TLL1: variants seen among roughly 807,000 people sequenced by gnomAD.
The protein encoded by TLL1 is tolloid-like protein 1.
A neutral mutation model predicts 128.2 loss-of-function variants in TLL1; 49 were observed. The observed-to-expected ratio is 0.38, with a 90% CI of 0.30 to 0.48. The LOEUF (loss-of-function observed/expected upper bound fraction) is 0.48. TLL1 is among the 20% of genes least tolerant of loss of function. TLL1 has a pLI of 0.96. For synonymous variants in TLL1, 454 were observed against 418.8 expected (o/e 1.08, Z -1.03); for missense variants, 1,123 against 1,242.0 (o/e 0.90, Z 1.44).
Position 165,874,070 on chromosome 4 carries a change from G to A in TLL1, c.166G>A (p.Ala56Thr), listed in dbSNP as rs767687320. 19 of 1,613,988 alleles carry A rather than the reference G, an allele frequency of 1.2e-5. No individual in the cohort carries two copies. Among genetic ancestry groups the A allele is most frequent in the Non-Finnish European group, 1.6e-5 (19 of 1,179,998 alleles). The change falls in exon 1 of 21, where the codon GCC becomes ACC. Residue 56 changes from alanine (A) to threonine (T), a missense_variant. By Grantham distance (58) the Ala-to-Thr change is moderately conservative (BLOSUM62 0). Transcript: ENST00000061240. ...TATAGATTACAAGGACCCGTGTAAA[G>A]CCGGTAAGTGGCTCTCCAGGTTGGG... is the stretch of plus-strand genomic sequence containing the variant. ...ETIDYKDPCK[A>T]AVFWGDIALD...
chr4:165,950,897 T>A (rs1314447325), intron 1 of TLL1, among the ~76,000 whole-genome samples: 1 of 151,886 alleles, frequency 6.6e-6, no homozygotes, highest in African/African-American at 2.4e-5. Flanking sequence ...AAGGAAATCA[T>A]AAAGATCAAA....
intron 1 of TLL1, among the ~76,000 whole-genome samples, chr4:165,877,781 T>C (rs1170328372): frequency 2.6e-5 from 4 of 151,842 alleles, no homozygotes; most frequent in Admixed American, 2.0e-4. Context: ...TTCTTTCTTT[T>C]TTTTTTTTCT....
At chr4:165,982,893 A>G (rs1210388305) in intron 1 of TLL1, among the ~76,000 whole-genome samples, 20 of 151,842 alleles carry the variant, frequency 1.3e-4, no homozygotes, top group Non-Finnish European at 2.9e-5. Context: ...AACGTAAACA[A>G]TTACAGGCAT....
At chr4:165,882,230 G>A (rs1178869972) in intron 1 of TLL1, among the ~76,000 whole-genome samples, 1 of 152,074 alleles carries the variant, frequency 6.6e-6, no homozygotes, top group Non-Finnish European at 1.5e-5. Context: ...AGGAAGTCTG[G>A]CAAATTCAAA....
chr4:165,895,633 TAAAAAAAAA>T (rs57920393), intron 1 of TLL1, among the ~76,000 whole-genome samples: 198 of 68,444 alleles, frequency 2.9e-3, no homozygotes, highest in South Asian at 0.014. Context: ...AGACTTTTTG[TAAAAAAAAA>T]AAAAAAAAAA....
At chr4:166,087,211 T>C (rs1411400614) in intron 18 of TLL1, among the ~76,000 whole-genome samples, 1 of 152,206 alleles carries the variant, frequency 6.6e-6, no homozygotes, top group Non-Finnish European at 1.5e-5. Flanking sequence ...TCATTTTTAG[T>C]TGATTTATCA....
chr4:165,955,920 G>A lies in TLL1; in HGVS notation c.170-33461G>A, dbSNP rs117673164. ...AATAAAGAGAAAGGGTACCAAGAGA[G>A]GAATTTTACAGCTGGGCCACTGGGG... On this transcript the variant is annotated intron_variant, in intron 1 of 20. Coordinates refer to ENST00000061240, the MANE Select transcript of TLL1 (RefSeq NM_012464.5). Among the ~76,000 whole-genome samples the A allele has an allele frequency of 7.5e-3, 1,136 of 152,192 alleles. 34 individuals are homozygous for A. Among genetic ancestry groups the A allele is most frequent in the East Asian group, 0.072 (371 of 5,160 alleles).
At chr4:165,912,537 T>G (rs1285112576) in intron 1 of TLL1, among the ~76,000 whole-genome samples, 1 of 152,228 alleles carries the variant, frequency 6.6e-6, no homozygotes, top group Non-Finnish European at 1.5e-5. Context: ...ACATCAGAAG[T>G]GCAAAACCAG....
In TLL1 at chr4:165,968,834, A is replaced by G. The variant is rs1369900003; in HGVS notation, c.170-20547A>G. On this transcript the variant is annotated intron_variant, in intron 1 of 20. Coordinates refer to ENST00000061240, the MANE Select transcript of TLL1 (RefSeq NM_012464.5). Reference sequence around the variant, plus strand: ...CCATTCTGTGATTGTAGCAATAGTTATGATGACCTACATAGAGAACTGTGT... The same window carrying G: ...CCATTCTGTGATTGTAGCAATAGTTGTGATGACCTACATAGAGAACTGTGT... Among the ~76,000 whole-genome samples the G allele has an allele frequency of 4.6e-5, 7 of 152,290 alleles. No individual in the cohort carries two copies. In the East Asian group the frequency reaches 1.4e-3, roughly 29 times the overall value.
intron 7 of TLL1, among the ~76,000 whole-genome samples, chr4:166,011,458 T>G (rs1417689299): frequency 6.6e-6 from 1 of 151,580 alleles, no homozygotes; most frequent in Admixed American, 6.6e-5. Context: ...AATGCAGCTA[T>G]TTTTGCATTT....
intron 18 of TLL1, among the ~76,000 whole-genome samples, chr4:166,084,725 G>T (rs1741425364): frequency 6.6e-6 from 1 of 152,014 alleles, no homozygotes. Context: ...TCACTATTCT[G>T]TTTTATCAGT....
rs28403946 is a variant in TLL1 at position 165,952,769 on chromosome 4, T to C, written c.170-36612T>C. The stretch of plus-strand genomic sequence containing the variant: ...CATTATATTTCATATTATTGGTGGC[T>C]GGGGGGGTAATCAATGTTTTCAAAA... On this transcript the variant is annotated intron_variant, in intron 1 of 20. Coordinates refer to ENST00000061240, the MANE Select transcript of TLL1 (RefSeq NM_012464.5). 6.5e-3 allele frequency among the ~76,000 whole-genome samples: 992 copies of C among 152,118 alleles called. 12 individuals carry two copies. The highest frequency in any genetic ancestry group is 0.023 in the African/African-American group (966 of 41,516).
intron 15 of TLL1, among the ~76,000 whole-genome samples, chr4:166,064,462 T>C (rs1308063283): frequency 6.6e-6 from 1 of 152,112 alleles, no homozygotes; most frequent in Non-Finnish European, 1.5e-5. Context: ...ATAGTCAGGG[T>C]CACCATTCAT....
At chr4:166,042,175 A>G in intron 11 of TLL1, 32 bp downstream of exon 11, 3 of 1,324,546 alleles carry the variant, frequency 2.3e-6, no homozygotes, top group South Asian at 2.3e-5. Context: ...AGAGTAGTTC[A>G]TCTTATATCT....
At chr4:166,057,377 G>T (rs1214397172) in intron 14 of TLL1, 68 bp downstream of exon 14, 3 of 1,564,668 alleles carry the variant, frequency 1.9e-6, no homozygotes, top group East Asian at 4.8e-5. Context: ...CTCATTCTCT[G>T]TCTGTCTTCC....
At position 165,959,287 on chromosome 4, in the gene TLL1, A is replaced by G. The variant is rs939683414; in HGVS notation, c.170-30094A>G. Among the ~76,000 whole-genome samples, 3 of 152,212 alleles carry G rather than the reference A, an allele frequency of 2.0e-5. No individual in the cohort carries two copies. The Middle Eastern group carries it at 0.01, about 518-fold the overall frequency. On this transcript the variant is annotated intron_variant, in intron 1 of 20. Coordinates refer to ENST00000061240, the MANE Select transcript of TLL1 (RefSeq NM_012464.5). Reference sequence around the variant, plus strand: ...GCTTGATGGGGATGGCATTGAATCTATAAATTACCTTGGGCAGTATGGCCA... The same window carrying G: ...GCTTGATGGGGATGGCATTGAATCTGTAAATTACCTTGGGCAGTATGGCCA...
At chr4:166,072,093 G>A (rs1306032480) in intron 16 of TLL1, among the ~76,000 whole-genome samples, 1 of 151,900 alleles carries the variant, frequency 6.6e-6, no homozygotes, top group African/African-American at 2.4e-5. Flanking sequence ...CTGCATTTCA[G>A]GATATAATAA....
chr4:166,018,715 G>T (rs1303618362), intron 8 of TLL1, among the ~76,000 whole-genome samples: 1 of 151,752 alleles, frequency 6.6e-6, no homozygotes, highest in Admixed American at 6.6e-5. Context: ...GCTCATCATT[G>T]CTAAACATCA....
At chr4:165,885,940 T>G (rs1731146414) in intron 1 of TLL1, among the ~76,000 whole-genome samples, 1 of 152,160 alleles carries the variant, frequency 6.6e-6, no homozygotes, top group African/African-American at 2.4e-5. Context: ...TACTTCTGCT[T>G]GCCACAATTG....
Sources: allele counts gnomAD v4.1 joint callset (sites outside exome capture counted in the v4.1 genomes callset), GRCh38; gene constraint gnomAD v4.1.1; transcripts MANE v1.5; gene names NCBI Gene and HGNC (gene_info 2026-07-23, HGNC 2026-07-21).